Variants in TAOK1 observed in about 807,000 individuals in gnomAD.
TAOK1 encodes TAO kinase 1, also known as serine/threonine-protein kinase TAO1.
A neutral mutation model predicts 138.3 loss-of-function variants in TAOK1; 21 were observed. The observed-to-expected ratio is 0.15, with a 90% CI of 0.11 to 0.22. The LOEUF (loss-of-function observed/expected upper bound fraction) is 0.22, where lower values mean the gene tolerates loss of function less well. TAOK1 is among the 10% of genes least tolerant of loss of function. The probability of loss-of-function intolerance (pLI) is 1.00; values close to 1 mark genes in which losing one functional copy is unlikely to be tolerated. For missense variants in TAOK1, 651 were observed against 1,227.7 expected (o/e 0.53, Z 7.02); for synonymous variants, 361 against 398.4 (o/e 0.91, Z 1.12).
intron 1 of TAOK1, among the ~76,000 whole-genome samples, chr17:29,400,856 G>A (rs1314960957): frequency 6.6e-6 from 1 of 150,978 alleles, no homozygotes; most frequent in Non-Finnish European, 1.5e-5. Context: ...TGTCAGTGTG[G>A]TGCATAAAGT....
chr17:29,395,824 A>ATTTTTTTTTT (rs1187461666), intron 1 of TAOK1, among the ~76,000 whole-genome samples: 863 of 72,060 alleles, frequency 0.012, 86 homozygotes, highest in African/African-American at 0.052. Context: ...CGTCTGGCTA[A>ATTTTTTTTTT]TTTTTTTTTT....
intron 3 of TAOK1, among the ~76,000 whole-genome samples, chr17:29,472,277 G>C (rs2030837118): frequency 6.7e-6 from 1 of 149,080 alleles, no homozygotes; most frequent in African/African-American, 2.5e-5. Context: ...TTTTGAGATG[G>C]AGTTCATTCT....
chr17:29,407,712 G>A (rs1230887000), intron 1 of TAOK1, among the ~76,000 whole-genome samples: 1 of 152,150 alleles, frequency 6.6e-6, no homozygotes, highest in African/African-American at 2.4e-5. Flanking sequence ...CTCCCAAAGT[G>A]CTGGGATTAC....
intron 1 of TAOK1, among the ~76,000 whole-genome samples, chr17:29,397,664 G>GAAT (rs1904673728): frequency 1.1e-4 from 4 of 35,602 alleles, no homozygotes; most frequent in Admixed American, 1.1e-3. Flanking sequence ...ATTCATGTAT[G>GAAT]ATACATGTAT....
chr17:29,481,700 C>T (rs2031066685), intron 7 of TAOK1, among the ~76,000 whole-genome samples: 1 of 151,988 alleles, frequency 6.6e-6, no homozygotes, highest in Non-Finnish European at 1.5e-5. Flanking sequence ...TGGATCACGC[C>T]TGTAATCCCA....
At chr17:29,468,152 T>TTTTTTTTTTTTTTTTTGG (rs1471553746) in intron 3 of TAOK1, among the ~76,000 whole-genome samples, 1 of 145,784 alleles carries the variant, frequency 6.9e-6, no homozygotes, top group African/African-American at 2.6e-5. Flanking sequence ...TTTTTTTTTT[T>TTTTTTTTTTTTTTTTTGG]AGGAGCTGGA....
chr17:29,454,914 G>C (rs1303049253), intron 2 of TAOK1, among the ~76,000 whole-genome samples: 3 of 151,724 alleles, frequency 2.0e-5, no homozygotes, highest in Admixed American at 6.6e-5. Flanking sequence ...TGTTAGCCAG[G>C]ATGGTATTTT....
chr17:29,525,951 C>T (rs2032002101), intron 17 of TAOK1, among the ~76,000 whole-genome samples: 2 of 152,142 alleles, frequency 1.3e-5, no homozygotes, highest in South Asian at 2.1e-4. Context: ...GAGCCAAGGT[C>T]GTGCCACTGC....
At chr17:29,534,364 A>C in intron 19 of TAOK1, 64 bp downstream of exon 19, 2 of 1,357,448 alleles carry the variant, frequency 1.5e-6, no homozygotes, top group Non-Finnish European at 1.9e-6. Context: ...CGTTTTATAA[A>C]TATATTTTCA....
intron 18 of TAOK1, 99 bp downstream of exon 18, chr17:29,530,718 GC>G: frequency 2.0e-6 from 2 of 1,000,154 alleles, no homozygotes; most frequent in Non-Finnish European, 3.1e-6. Context: ...GGAAATGATA[GC>G]TCTCCTGAAG....
In TAOK1 at chr17:29,510,798, G is replaced by T. The variant is rs146255743; in HGVS notation, c.1576-66G>T. The T allele has an allele frequency of 2.5e-4, 277 of 1,118,234 alleles. 1 individual carries two copies. The African/African-American group carries it at 4.1e-3, about 17-fold the overall frequency. 69.3% of individuals were successfully genotyped at this position (1,118,234 alleles called of 1,614,324 possible). A position where few individuals can be genotyped will look rare whatever the true frequency, so the allele number is the denominator to read the frequency against. ...TTAGAAAATAAAAGGTATTCTTAAT[G>T]ATGTATATTAAACCACTACTTTATC... is the stretch of plus-strand genomic sequence containing the variant. On this transcript the variant is annotated intron_variant, in intron 14 of 19. Transcript: ENST00000261716.
Position 29,390,846 on chromosome 17 carries a change from C to T in TAOK1, c.-273C>T, listed in dbSNP as rs1219328562. ...TCGCCCCCCCCCCCACCCCCCGCCG[C>T]CGCCGCCCCTTGTTGCAGAGCTTGG... On this transcript the variant is annotated 5_prime_UTR_variant, in exon 1 of 20. Coordinates refer to ENST00000261716, the MANE Select transcript of TAOK1 (RefSeq NM_020791.4). The T allele has an allele frequency of 6.6e-6, 1 of 151,890 alleles. No homozygotes were observed. Among genetic ancestry groups the T allele is most frequent in the Admixed American group, 6.6e-5 (1 of 15,264 alleles). The allele number at this position is 151,890 out of a possible 1,614,324, so 9.4% of individuals were successfully genotyped here.
Position 29,390,403 on chromosome 17 carries a change from G to C in TAOK1, c.-716G>C, listed in dbSNP as rs1904374152. On this transcript the variant is annotated 5_prime_UTR_variant, in exon 1 of 20. Coordinates refer to ENST00000261716, the MANE Select transcript of TAOK1 (RefSeq NM_020791.4). ...TCTGTGGCTTCAGGGCTCGGGGAGA[G>C]AGAGGGAGGGTGGCAAAGAGACTGA... The C allele has an allele frequency of 6.6e-6, 1 of 152,444 alleles. No homozygotes were observed. The highest frequency in any genetic ancestry group is 1.5e-5 in the Non-Finnish European group (1 of 68,256). The allele number at this position is 152,444 out of a possible 1,614,324, so 9.4% of individuals were successfully genotyped here.
At chr17:29,402,078 C>G (rs1262859394) in intron 1 of TAOK1, among the ~76,000 whole-genome samples, 1 of 152,092 alleles carries the variant, frequency 6.6e-6, no homozygotes, top group East Asian at 1.9e-4. Context: ...CATCTGTAGT[C>G]TATTTAGTCG....
intron 10 of TAOK1, among the ~76,000 whole-genome samples, chr17:29,493,757 A>C (rs2153027822): frequency 6.6e-6 from 1 of 152,304 alleles, no homozygotes; most frequent in South Asian, 2.1e-4. Context: ...TCATAAAGAA[A>C]AAAACTAATA....
chr17:29,485,922 C>A (rs1462745606), intron 8 of TAOK1, among the ~76,000 whole-genome samples: 1 of 152,128 alleles, frequency 6.6e-6, no homozygotes, highest in East Asian at 1.9e-4. Context: ...CAGAAGCAAT[C>A]CAAATTTATG....
At chr17:29,447,813 C>T (rs1045790644) in intron 1 of TAOK1, among the ~76,000 whole-genome samples, 13 of 151,426 alleles carry the variant, frequency 8.6e-5, no homozygotes, top group African/African-American at 1.7e-4. Context: ...CTTACCACCA[C>T]GCCTGGCTAA....
In TAOK1 at chr17:29,548,754, TG is replaced by T. The variant is rs1234501097; in HGVS notation, c.*5733del. ...AATTGACCTAGTTTCTGTATTTTTT[TG>T]TTTTTGTACTAAAGTTTATAGGTCT... On this transcript the variant is annotated 3_prime_UTR_variant, in exon 20 of 20. Transcript: ENST00000261716. 6.6e-6 allele frequency: 1 copy of T among 152,184 alleles called. No individual in the cohort carries two copies. The highest frequency in any genetic ancestry group is 1.5e-5 in the Non-Finnish European group (1 of 68,012). The allele number at this position is 152,184 out of a possible 1,614,324, so 9.4% of individuals were successfully genotyped here. A position where few individuals can be genotyped will look rare whatever the true frequency, so the allele number is the denominator to read the frequency against.
intron 1 of TAOK1, among the ~76,000 whole-genome samples, chr17:29,412,384 A>G (rs1018071187): frequency 6.6e-6 from 1 of 151,626 alleles, no homozygotes; most frequent in Admixed American, 6.6e-5. Flanking sequence ...CACTTTGCCT[A>G]TGTTTATGAT....
Sources: allele counts gnomAD v4.1 joint callset (sites outside exome capture counted in the v4.1 genomes callset), GRCh38; gene constraint gnomAD v4.1.1; transcripts MANE v1.5; gene names NCBI Gene and HGNC (gene_info 2026-07-23, HGNC 2026-07-21).